Variants in GIP observed in about 807,000 individuals in gnomAD.
The protein encoded by GIP is gastric inhibitory polypeptide.
A neutral mutation model predicts 18.1 loss-of-function variants in GIP; 16 were observed. The observed-to-expected ratio is 0.88, with a 90% CI of 0.60 to 1.34. The LOEUF (loss-of-function observed/expected upper bound fraction) is 1.34. Ranked by LOEUF, GIP falls within the 40% of genes most tolerant of loss-of-function variation. GIP has a pLI of 0.00. For synonymous variants in GIP, 76 were observed against 74.0 expected, an observed-to-expected ratio of 1.03 and a Z score of -0.14; for missense variants, 192 against 183.4, an observed-to-expected ratio of 1.05 and a Z score of -0.27.
At chr17:48,965,022 C>G (rs1335606482) in intron 2 of GIP, among the ~76,000 whole-genome samples, 4 of 151,306 alleles carry the variant, frequency 2.6e-5, no homozygotes, top group Non-Finnish European at 5.9e-5. Context: ...GCCTGTAGCC[C>G]CGGCTACTCG....
chr17:48,960,358 T>G (rs1598102564), intron 5 of GIP, among the ~76,000 whole-genome samples: 2 of 33,356 alleles, frequency 6.0e-5, no homozygotes, highest in African/African-American at 1.1e-4. Flanking sequence ...GCTCGGTGGG[T>G]AGGGACAGGC....
Position 48,964,497 on chromosome 17 carries a change from G to C in GIP, c.87-17C>G, listed in dbSNP as rs376222606. 3.7e-6 allele frequency: 6 copies of C among 1,610,886 alleles called. No homozygotes were observed. ...GGGAGAGCGCTGGAAACAAGGGTGC[G>C]GAGAAGGGGCAGAGATGGGGGGAGA... On this transcript the variant is annotated splice_polypyrimidine_tract_variant and intron_variant, in intron 2 of 5. Coordinates refer to ENST00000357424, the MANE Select transcript of GIP (RefSeq NM_004123.3).
In GIP at chr17:48,968,565, T is replaced by C. The variant is rs552742826; in HGVS notation, c.-70A>G. 29 of 152,344 alleles carry C rather than the reference T, an allele frequency of 1.9e-4. No individual in the cohort carries two copies. Among genetic ancestry groups the C allele is most frequent in the African/African-American group, 6.5e-4 (27 of 41,584 alleles). The allele number at this position is 152,344 out of a possible 1,614,324, so 9.4% of individuals were successfully genotyped here. A position where few individuals can be genotyped will look rare whatever the true frequency, so the allele number is the denominator to read the frequency against. On this transcript the variant is annotated 5_prime_UTR_variant, in exon 1 of 6. Coordinates refer to ENST00000357424, the MANE Select transcript of GIP (RefSeq NM_004123.3). ...AGAAGAAGGACAGATAGGGGTCTCC[T>C]TCCCCTGATTTCTGGACCTTCTGAG... is the stretch of plus-strand genomic sequence containing the variant.
At chr17:48,966,890 A>C (rs907980882) in intron 2 of GIP, among the ~76,000 whole-genome samples, 1 of 152,212 alleles carries the variant, frequency 6.6e-6, no homozygotes, top group East Asian at 1.9e-4. Flanking sequence ...AGATTCTGTC[A>C]TCTTCGGACA....
At chr17:48,963,519 G>T (rs1397587617) in intron 3 of GIP, among the ~76,000 whole-genome samples, 20 of 151,626 alleles carry the variant, frequency 1.3e-4, no homozygotes, top group Non-Finnish European at 2.7e-4. Flanking sequence ...AATTAGCCAG[G>T]TATGGTGGCG....
intron 2 of GIP, among the ~76,000 whole-genome samples, chr17:48,965,553 G>T (rs1368987670): frequency 2.1e-5 from 3 of 141,628 alleles, no homozygotes; most frequent in African/African-American, 5.3e-5. Flanking sequence ...TGCAGTAATC[G>T]GAGATCGCGC....
At chr17:48,959,827 A>G (rs1238240050) in intron 5 of GIP, among the ~76,000 whole-genome samples, 1 of 86,600 alleles carries the variant, frequency 1.2e-5, no homozygotes, top group African/African-American at 4.7e-5. Flanking sequence ...GGATGGGCTC[A>G]GCTCGGTGGG....
intron 2 of GIP, among the ~76,000 whole-genome samples, chr17:48,965,657 T>A (rs1015928858): frequency 7.6e-5 from 11 of 145,668 alleles, no homozygotes; most frequent in Admixed American, 2.8e-4. Flanking sequence ...AAAGACTGAG[T>A]CACACAATTC....
chr17:48,964,750 C>T (rs910496244), intron 2 of GIP, among the ~76,000 whole-genome samples: 1 of 152,100 alleles, frequency 6.6e-6, no homozygotes, highest in Non-Finnish European at 1.5e-5. Context: ...AATCCCAACA[C>T]TTTGGGAGGC....
At chr17:48,963,749 G>A (rs893778058) in intron 3 of GIP, among the ~76,000 whole-genome samples, 3 of 145,254 alleles carry the variant, frequency 2.1e-5, no homozygotes, top group Non-Finnish European at 4.5e-5. Context: ...CAGGAGAATC[G>A]CTTGAATCCA....
rs775605660 is a variant in GIP, at chr17:48,960,925, A to C, written c.413T>G (p.Leu138Trp). Residue 138 changes from leucine to tryptophan, a missense_variant, in exon 5 of 6, where the codon TTG (leucine) becomes TGG (tryptophan). Leu to Trp is a moderately conservative substitution (Grantham distance 61). Coordinates refer to ENST00000357424, the MANE Select transcript of GIP (RefSeq NM_004123.3). ...GTTTGTCTGATCCAGCAAGCAGGCC[A>C]ACAGCTCTTGAATCAGCAAGTCCCG... ...LLRDLLIQEL[L>W]ACLLDQTNLC... 110 of 1,608,696 alleles carry C rather than the reference A, an allele frequency of 6.8e-5. No homozygotes were observed. Among genetic ancestry groups the C allele is most frequent in the Non-Finnish European group, 8.9e-5 (105 of 1,177,794 alleles).
rs372275694 is a variant in GIP, at chr17:48,962,264, C to T, written c.258-445G>A. 5.3e-5 allele frequency among the ~76,000 whole-genome samples: 8 copies of T among 151,534 alleles called. 1 individual carries two copies. The South Asian group carries it at 8.3e-4, about 16-fold the overall frequency. ...TTTGTACTTTTTGTTTGCCATGTTG[C>T]CCAGGCTGTTCTCGAATGAACTCGT... On this transcript the variant is annotated intron_variant, in intron 3 of 5. Coordinates refer to ENST00000357424, the MANE Select transcript of GIP (RefSeq NM_004123.3).
chr17:48,961,659 A>G (rs2041200909), intron 4 of GIP, 68 bp downstream of exon 4: 1 of 952,022 alleles, frequency 1.1e-6, no homozygotes, highest in East Asian at 2.4e-5. Context: ...GGTCAGGGAG[A>G]GGGAACAAAG....
At chr17:48,961,065 C>T in intron 4 of GIP, 78 bp from the exon 5 acceptor site, 1 of 891,858 alleles carries the variant, frequency 1.1e-6, no homozygotes, top group Non-Finnish European at 1.7e-6. Context: ...TTGGGGACAC[C>T]ACTGAGGGGC....
Position 48,961,834 on chromosome 17 carries a change from A to G in GIP, c.258-15T>C. 1 of 1,592,942 alleles carries G rather than the reference A, an allele frequency of 6.3e-7. No individual in the cohort carries two copies. Among genetic ancestry groups the G allele is most frequent in the Non-Finnish European group, 8.6e-7 (1 of 1,163,172 alleles). On this transcript the variant is annotated splice_polypyrimidine_tract_variant and intron_variant, in intron 3 of 5. Coordinates refer to ENST00000357424, the MANE Select transcript of GIP (RefSeq NM_004123.3). ...TGTGTTTCCAGCTGGGAAGATAAAGATTAGAGAGTGGGCAAGCTGCGGAGA... is the reference window on the plus strand; with the variant it reads ...TGTGTTTCCAGCTGGGAAGATAAAGGTTAGAGAGTGGGCAAGCTGCGGAGA...
At position 48,958,564 on chromosome 17, in the gene GIP, G is replaced by GGGCATTT; in HGVS notation, c.*142_*143insAAATGCC. 1 of 681,126 alleles carries GGGCATTT rather than the reference G, an allele frequency of 1.5e-6. No homozygotes were observed. The allele number at this position is 681,126 out of a possible 1,614,324, so 42.2% of individuals were successfully genotyped here. ...GACAAACATGCCCTGTTAGTGCTCA[G>GGGCATTT]TAGTCATTTTAATAAATTTTCACAA... On this transcript the variant is annotated 3_prime_UTR_variant, in exon 6 of 6. Transcript: ENST00000357424.
At chr17:48,967,762 A>G (rs1182900101) in intron 1 of GIP, among the ~76,000 whole-genome samples, 1 of 150,494 alleles carries the variant, frequency 6.6e-6, no homozygotes, top group Non-Finnish European at 1.5e-5. Flanking sequence ...TTACCAAAAG[A>G]TGGACCAGGC....
intron 5 of GIP, among the ~76,000 whole-genome samples, chr17:48,960,529 T>C (rs1567796171): frequency 6.6e-6 from 1 of 151,410 alleles, no homozygotes; most frequent in African/African-American, 2.4e-5. Context: ...GACAGGCAGG[T>C]AGGGATAGGC....
intron 2 of GIP, 38 bp from the exon 3 acceptor site, chr17:48,964,518 G>A: frequency 6.4e-7 from 1 of 1,570,058 alleles, no homozygotes; most frequent in Non-Finnish European, 8.7e-7. Flanking sequence ...AGAGATGGGG[G>A]GAGAATCACA....
Sources: gnomAD v4.1 joint callset for allele counts (sites outside exome capture counted in the v4.1 genomes callset) on GRCh38, gnomAD v4.1.1 for gene constraint, MANE v1.5 for transcripts, NCBI Gene and HGNC (gene_info 2026-07-23, HGNC 2026-07-21) for gene names.